The following BTRC variants were observed in gnomAD, a reference collection of about 807,000 sequenced individuals.
BTRC encodes F-box/WD repeat-containing protein 1A.
Under a neutral mutation model 85.5 loss-of-function variants are expected in BTRC, and 42 were observed. The ratio of observed to expected loss-of-function variants is 0.49; its 90% CI spans 0.38 to 0.64. The LOEUF is 0.64. Ranked by LOEUF, BTRC falls within the 30% of genes least tolerant of loss-of-function variation. The pLI is 0.00. For missense variants in BTRC, 594 were observed against 743.5 expected (o/e 0.80, Z 2.34); for synonymous variants, 255 against 263.3 (o/e 0.97, Z 0.30).
At chr10:101,358,263 T>G (rs954569635) in intron 1 of BTRC, among the ~76,000 whole-genome samples, 2 of 151,756 alleles carry the variant, frequency 1.3e-5, no homozygotes, top group African/African-American at 2.4e-5. Flanking sequence ...GCTGGCTATT[T>G]TTTTTTTCTT....
chr10:101,406,126 C>T (rs188048855), intron 1 of BTRC, among the ~76,000 whole-genome samples: 24 of 150,584 alleles, frequency 1.6e-4, no homozygotes, highest in Admixed American at 1.5e-3. Flanking sequence ...GGATTATTCT[C>T]GATGAATTAA....
At chr10:101,504,883 G>A (rs192962514) in intron 4 of BTRC, among the ~76,000 whole-genome samples, 1 of 151,480 alleles carries the variant, frequency 6.6e-6, no homozygotes, top group Non-Finnish European at 1.5e-5. Context: ...TCTCTAGATG[G>A]CACAGATACA....
At chr10:101,534,963 G>A in intron 10 of BTRC, 53 bp downstream of exon 10, 1 of 1,577,812 alleles carries the variant, frequency 6.3e-7, no homozygotes, top group Admixed American at 1.7e-5. Flanking sequence ...GAATTCATAT[G>A]AAAATTTGAT....
At chr10:101,469,515 ATTTTCT>A (rs1945466146) in intron 3 of BTRC, among the ~76,000 whole-genome samples, 1 of 152,160 alleles carries the variant, frequency 6.6e-6, no homozygotes, top group South Asian at 2.1e-4. Flanking sequence ...AGGAAAATAA[ATTTTCT>A]TTTTATAACT....
chr10:101,503,901 A>G (rs1169381529), intron 4 of BTRC, among the ~76,000 whole-genome samples: 1 of 152,214 alleles, frequency 6.6e-6, no homozygotes, highest in Non-Finnish European at 1.5e-5. Context: ...TAGAGCACAA[A>G]GAAGAGCAGG....
At chr10:101,360,758 A>G (rs1221323927) in intron 1 of BTRC, among the ~76,000 whole-genome samples, 1 of 152,144 alleles carries the variant, frequency 6.6e-6, no homozygotes, top group Non-Finnish European at 1.5e-5. Flanking sequence ...CGGCCTCTCC[A>G]GTAGCTGGGA....
intron 2 of BTRC, among the ~76,000 whole-genome samples, chr10:101,440,284 A>G (rs968784914): frequency 3.3e-5 from 5 of 152,070 alleles, no homozygotes; most frequent in Non-Finnish European, 7.4e-5. Flanking sequence ...AACAACATAT[A>G]TATTTTTTCT....
intron 1 of BTRC, among the ~76,000 whole-genome samples, chr10:101,394,236 G>A (rs1282969839): frequency 1.3e-5 from 2 of 152,124 alleles, no homozygotes; most frequent in African/African-American, 4.8e-5. Context: ...GAAATGGTTC[G>A]AGTACGAACT....
intron 6 of BTRC, among the ~76,000 whole-genome samples, chr10:101,530,032 T>C (rs1445033781): frequency 1.3e-5 from 2 of 152,210 alleles, no homozygotes; most frequent in African/African-American, 2.4e-5. Context: ...ATTAAATTTT[T>C]TACCCAGCAG....
chr10:101,458,915 T>C (rs1945149167), intron 2 of BTRC, among the ~76,000 whole-genome samples: 1 of 152,198 alleles, frequency 6.6e-6, no homozygotes, highest in Non-Finnish European at 1.5e-5. Context: ...TTTGAGATTA[T>C]GTGACCATCC....
At chr10:101,473,084 G>A (rs756006786) in intron 3 of BTRC, among the ~76,000 whole-genome samples, 1 of 151,414 alleles carries the variant, frequency 6.6e-6, no homozygotes, top group African/African-American at 2.4e-5. Context: ...CTCCAGCCAC[G>A]CATATATTCT....
At chr10:101,429,561 C>CT (rs1253405635) in intron 1 of BTRC, among the ~76,000 whole-genome samples, 1 of 119,114 alleles carries the variant, frequency 8.4e-6, no homozygotes, top group Non-Finnish European at 1.6e-5. Context: ...TCTTCTTCTT[C>CT]TCTCTCTCTC....
At chr10:101,410,281 C>T (rs1296799616) in intron 1 of BTRC, among the ~76,000 whole-genome samples, 2 of 151,902 alleles carry the variant, frequency 1.3e-5, no homozygotes, top group Non-Finnish European at 2.9e-5. Context: ...GGTACATTAT[C>T]GTGGTTTTGA....
rs1946289608 is a variant in BTRC at position 101,497,421 on chromosome 10, C to T, written c.324+17964C>T. 3.3e-5 allele frequency among the ~76,000 whole-genome samples: 5 copies of T among 152,212 alleles called. No homozygotes were observed. The South Asian group carries it at 8.3e-4, about 25-fold the overall frequency. On this transcript the variant is annotated intron_variant, in intron 4 of 14. Transcript: ENST00000370187. ...TTGTTTAAATATGAATATATTAAAG[C>T]TGGGCATGGTAGTTTATGCCTGTAA...
intron 1 of BTRC, among the ~76,000 whole-genome samples, chr10:101,358,311 CAG>C (rs1284364409): frequency 1.3e-5 from 2 of 151,926 alleles, no homozygotes; most frequent in African/African-American, 2.4e-5. Context: ...CCTTTGTTGA[CAG>C]GGGTGGTTTT....
chr10:101,483,162 T>C (rs1432186894), intron 4 of BTRC, among the ~76,000 whole-genome samples: 4 of 152,338 alleles, frequency 2.6e-5, no homozygotes, highest in East Asian at 1.9e-4. Flanking sequence ...CATAGTCTTA[T>C]GATAGCTCTA....
At chr10:101,495,601 A>C (rs930672093) in intron 4 of BTRC, among the ~76,000 whole-genome samples, 11 of 152,176 alleles carry the variant, frequency 7.2e-5, no homozygotes, top group Non-Finnish European at 1.5e-4. Context: ...TTTGCAAGTG[A>C]AGATATAGTC....
chr10:101,471,633 A>G (rs1275138762), intron 3 of BTRC, among the ~76,000 whole-genome samples: 1 of 152,180 alleles, frequency 6.6e-6, no homozygotes, highest in African/African-American at 2.4e-5. Flanking sequence ...TCTGTTTTCT[A>G]AAAGCACTTG....
At chr10:101,510,509 TA>T (rs34026627) in intron 4 of BTRC, among the ~76,000 whole-genome samples, 1 of 137,576 alleles carries the variant, frequency 7.3e-6, no homozygotes, top group African/African-American at 2.5e-5. Flanking sequence ...GACTCCATCT[TA>T]AAAAAAAACA....
Sources: gnomAD v4.1 joint callset for allele counts (sites outside exome capture counted in the v4.1 genomes callset) on GRCh38, gnomAD v4.1.1 for gene constraint, MANE v1.5 for transcripts, NCBI Gene and HGNC (gene_info 2026-07-23, HGNC 2026-07-21) for gene names.